The following KHDRBS2 variants were observed in gnomAD, a reference collection of about 807,000 sequenced individuals.
KHDRBS2 encodes KH RNA binding domain containing, signal transduction associated 2.
A neutral mutation model predicts 44.3 loss-of-function variants in KHDRBS2; 26 were observed. That is an observed-to-expected ratio of 0.59 (90% CI 0.43 to 0.81). The LOEUF is 0.81. Ranked by LOEUF, KHDRBS2 falls within the 40% of genes least tolerant of loss-of-function variation. The probability of loss-of-function intolerance (pLI) is 0.00; values close to 1 mark genes in which losing one functional copy is unlikely to be tolerated. For missense variants in KHDRBS2, 476 were observed against 433.1 expected, an observed-to-expected ratio of 1.10 and a Z score of -0.88; for synonymous variants, 194 against 151.1, an observed-to-expected ratio of 1.28 and a Z score of -2.08.
At chr6:61,788,293 T>C (rs546537118) in intron 6 of KHDRBS2, among the ~76,000 whole-genome samples, 2 of 151,642 alleles carry the variant, frequency 1.3e-5, no homozygotes, top group South Asian at 4.1e-4. Context: ...TGAAGACTTT[T>C]ACCACTTCTA....
chr6:61,722,292 T>A (rs1582399164), intron 7 of KHDRBS2, among the ~76,000 whole-genome samples: 1 of 152,082 alleles, frequency 6.6e-6, no homozygotes, highest in South Asian at 2.1e-4. Flanking sequence ...TGCTGGCTGG[T>A]GAAACACCTT....
the KHDRBS2 span, among the ~76,000 whole-genome samples, chr6:61,557,848 T>A: frequency 1.4e-3 from 207 of 152,274 alleles, 3 homozygotes; most frequent in African/African-American, 4.8e-3. Flanking sequence ...GTTTTGCATA[T>A]CCTCATGGTT....
At chr6:62,215,244 C>T (rs1187887824) in intron 1 of KHDRBS2, among the ~76,000 whole-genome samples, 1 of 151,836 alleles carries the variant, frequency 6.6e-6, no homozygotes, top group Admixed American at 6.6e-5. Flanking sequence ...AGACATATGT[C>T]CCCCCTCACC....
chr6:62,186,596 A>G (rs537841083), intron 1 of KHDRBS2, among the ~76,000 whole-genome samples: 138 of 112,852 alleles, frequency 1.2e-3, no homozygotes, highest in Middle Eastern at 4.5e-3. Context: ...TAAATATGAA[A>G]TAGGACAAAA....
At chr6:62,073,617 T>A (rs1795736032) in intron 2 of KHDRBS2, among the ~76,000 whole-genome samples, 1 of 151,368 alleles carries the variant, frequency 6.6e-6, no homozygotes, top group Non-Finnish European at 1.5e-5. Context: ...CTAGTTTATT[T>A]TTTCGAGTTT....
At chr6:62,171,241 A>G (rs1819935190) in intron 2 of KHDRBS2, among the ~76,000 whole-genome samples, 1 of 152,134 alleles carries the variant, frequency 6.6e-6, no homozygotes, top group Admixed American at 6.6e-5. Flanking sequence ...AAAAGAACCA[A>G]GTAATCTGAT....
chr6:61,551,612 A>T, the KHDRBS2 span, among the ~76,000 whole-genome samples: 1 of 152,170 alleles, frequency 6.6e-6, no homozygotes, highest in Non-Finnish European at 1.5e-5. Context: ...CCATTTATAG[A>T]ATAGGGAATC....
the KHDRBS2 span, among the ~76,000 whole-genome samples, chr6:61,607,542 A>AAAAAAAAAAAAAAAT: frequency 6.7e-6 from 1 of 148,394 alleles, no homozygotes; most frequent in African/African-American, 2.5e-5. Flanking sequence ...AAAAAAAAAA[A>AAAAAAAAAAAAAAAT]AAAGATGTGT....
chr6:61,901,451 ACAAAACG>A (rs67450220), intron 4 of KHDRBS2, 80 bp from the exon 5 acceptor site: 418,325 of 1,074,010 alleles, frequency 0.39, 85,451 homozygotes, highest in East Asian at 0.5. Flanking sequence ...AAGAAACAAA[ACAAAACG>A]CAATAGGAAA....
At chr6:61,653,591 A>G in the KHDRBS2 span, among the ~76,000 whole-genome samples, 1 of 146,358 alleles carries the variant, frequency 6.8e-6, no homozygotes, top group Non-Finnish European at 1.5e-5. Context: ...TGGAACTTCA[A>G]GTCTAATGTG....
intron 6 of KHDRBS2, among the ~76,000 whole-genome samples, chr6:61,787,283 T>G (rs1394283333): frequency 6.6e-6 from 1 of 151,572 alleles, no homozygotes; most frequent in African/African-American, 2.4e-5. Flanking sequence ...AGTTCACATT[T>G]TTAGAAATAA....
the KHDRBS2 span, among the ~76,000 whole-genome samples, chr6:61,543,085 A>C: frequency 6.6e-6 from 1 of 151,992 alleles, no homozygotes; most frequent in South Asian, 2.1e-4. Flanking sequence ...CCACAAGCAC[A>C]GGCAACCAAA....
intron 1 of KHDRBS2, among the ~76,000 whole-genome samples, chr6:62,243,763 A>G (rs1364791387): frequency 1.3e-5 from 2 of 152,102 alleles, no homozygotes; most frequent in African/African-American, 4.8e-5. Flanking sequence ...GGCTTCATCT[A>G]CGAAGTGAAG....
At chr6:61,570,109 A>T in the KHDRBS2 span, among the ~76,000 whole-genome samples, 1 of 152,186 alleles carries the variant, frequency 6.6e-6, no homozygotes, top group African/African-American at 2.4e-5. Flanking sequence ...GAATTCAGAA[A>T]GTTGATTAAT....
At chr6:61,794,115 T>C (rs1211643251) in intron 6 of KHDRBS2, among the ~76,000 whole-genome samples, 1 of 152,212 alleles carries the variant, frequency 6.6e-6, no homozygotes, top group Non-Finnish European at 1.5e-5. Context: ...TAGAGAGTTT[T>C]GGTATTACTA....
At chr6:61,957,366 G>A (rs375420466) in intron 4 of KHDRBS2, among the ~76,000 whole-genome samples, 10 of 152,262 alleles carry the variant, frequency 6.6e-5, no homozygotes, top group East Asian at 1.9e-4. Context: ...CTTGACTGCC[G>A]GTGAGCCAGG....
the KHDRBS2 span, among the ~76,000 whole-genome samples, chr6:61,673,166 G>A: frequency 6.6e-6 from 1 of 152,000 alleles, no homozygotes; most frequent in Non-Finnish European, 1.5e-5. Flanking sequence ...TAGATATGTG[G>A]TGTTATTTCT....
At chr6:62,118,702 C>T (rs1293950051) in intron 2 of KHDRBS2, among the ~76,000 whole-genome samples, 1 of 152,114 alleles carries the variant, frequency 6.6e-6, no homozygotes, top group Non-Finnish European at 1.5e-5. Flanking sequence ...CAGAAGAATG[C>T]AGAAAGCAGA....
chr6:62,120,992 T>C (rs1807500322), intron 2 of KHDRBS2, among the ~76,000 whole-genome samples: 1 of 152,200 alleles, frequency 6.6e-6, no homozygotes, highest in Non-Finnish European at 1.5e-5. Context: ...TTGATGTTCA[T>C]TCCAGGGGAC....
Sources: gnomAD v4.1 joint callset for allele counts (sites outside exome capture counted in the v4.1 genomes callset) on GRCh38, gnomAD v4.1.1 for gene constraint, MANE v1.5 for transcripts, NCBI Gene and HGNC (gene_info 2026-07-23, HGNC 2026-07-21) for gene names.